Variants in MFGE8 observed in about 807,000 individuals in gnomAD.
MFGE8 encodes the protein milk fat globule EGF and factor V/VIII domain containing.
MFGE8 carries 34 observed loss-of-function variants against 42.6 expected under a neutral mutation model. That is an observed-to-expected ratio of 0.80 (90% CI 0.61 to 1.06). The LOEUF (loss-of-function observed/expected upper bound fraction) is 1.06, where lower values mean the gene tolerates loss of function less well. Ranked by LOEUF, MFGE8 falls within the 50% of genes least tolerant of loss-of-function variation. MFGE8 has a pLI of 0.00. For synonymous variants in MFGE8, 230 were observed against 214.8 expected (o/e 1.07, Z -0.62); for missense variants, 510 against 516.9 (o/e 0.99, Z 0.13).
Position 88,899,916 on chromosome 15 carries a change from T to C in MFGE8, c.871-105A>G. ...AATTCTAGTTTTGAAAAAAACTACT[T>C]GGGTGAGCCTCAGTTTCTTTGGCTA... On this transcript the variant is annotated intron_variant, in intron 6 of 7. Coordinates refer to ENST00000268150, the MANE Select transcript of MFGE8 (RefSeq NM_005928.4). The surrounding 1 kb of genome is among the most constrained non-coding windows in gnomAD (Gnocchi z 6.8). The C allele has an allele frequency of 7.5e-7, 1 of 1,338,910 alleles. No individual in the cohort carries two copies. Among genetic ancestry groups the C allele is most frequent in the East Asian group, 2.5e-5 (1 of 40,770 alleles). 82.9% of individuals were successfully genotyped at this position (1,338,910 alleles called of 1,614,324 possible).
At chr15:88,912,720 G>A (rs1899024475) in intron 1 of MFGE8, 1 of 985,256 alleles carries the variant, frequency 1.0e-6, no homozygotes, top group African/African-American at 1.7e-5. Context: ...CCCCACTTAC[G>A]GCCTGCGTCC....
At position 88,909,800 on chromosome 15, in the gene MFGE8, C is replaced by A; in HGVS notation, c.197G>T (p.Cys66Phe). Residue 66 changes from cysteine (C) to phenylalanine (F), a missense_variant, in exon 2 of 8, where the codon TGT (cysteine) becomes TTT (phenylalanine). Cys to Phe is a radical substitution (Grantham distance 205, BLOSUM62 -2). Transcript: ENST00000268150. ...CACCCCCACATACTCACTCGTCTCA[C>A]AGTGGTTGCCCGCGTAGCCCTTAAG... ...TCLKGYAGNHCETKCVEPLGL... is the reference protein window; with the variant it reads ...TCLKGYAGNHFETKCVEPLGL... The A allele has an allele frequency of 6.2e-7, 1 of 1,614,182 alleles. No individual in the cohort carries two copies. The highest frequency in any genetic ancestry group is 1.1e-5 in the South Asian group (1 of 91,088).
Position 88,907,220 on chromosome 15 carries a change from C to A in MFGE8, c.362G>T (p.Ser121Ile), listed in dbSNP as rs148576512. ...CTGGATCCAGGGGTTATCGTCATTG[C>A]TGCTGGGTGTCCAGGCATTGACCAT... ...AGMVNAWTPS[S>I]NDDNPWIQVN... Residue 121 changes from serine to isoleucine, a missense_variant, in exon 3 of 8, where the codon AGC (serine) becomes ATC (isoleucine). Physicochemically the swap from Ser to Ile is moderately radical, Grantham distance 142. Coordinates refer to ENST00000268150, the MANE Select transcript of MFGE8 (RefSeq NM_005928.4). 1.3e-4 allele frequency: 207 copies of A among 1,613,960 alleles called. No homozygotes were observed. The highest frequency in any genetic ancestry group is 1.7e-4 in the Non-Finnish European group (196 of 1,179,948).
intron 1 of MFGE8, 29 bp downstream of exon 1, chr15:88,913,217 GA>G: frequency 1.3e-6 from 2 of 1,492,020 alleles, no homozygotes; most frequent in Non-Finnish European, 1.8e-6. Context: ...GAGGAGGGGC[GA>G]GGGGCAGAGG....
chr15:88,912,279 A>G, intron 1 of MFGE8: 14 of 1,287,904 alleles, frequency 1.1e-5, no homozygotes, highest in Middle Eastern at 2.1e-4. Flanking sequence ...AAGAGTAGAA[A>G]GGGGCTAAGA....
At chr15:88,904,181 G>A (rs1898560206) in intron 5 of MFGE8, 1 of 152,220 alleles carries the variant, frequency 6.6e-6, no homozygotes, top group African/African-American at 2.4e-5. Context: ...CAAATTACAT[G>A]AGGTCAAGGA....
chr15:88,913,165 A>C, intron 1 of MFGE8, 82 bp downstream of exon 1: 3 of 1,463,508 alleles, frequency 2.0e-6, no homozygotes, highest in Non-Finnish European at 1.8e-6. Flanking sequence ...TCAACAGTGG[A>C]GGTGGAGGGC....
At chr15:88,901,224 TACAC>T (rs754991839) in intron 6 of MFGE8, among the ~76,000 whole-genome samples, 1 of 82,084 alleles carries the variant, frequency 1.2e-5, no homozygotes, top group Non-Finnish European at 2.8e-5. Flanking sequence ...CATTCACACA[TACAC>T]ATTCACACAC....
Position 88,906,247 on chromosome 15 carries a change from A to G in MFGE8, c.541-346T>C, listed in dbSNP as rs1377405480. On this transcript the variant is annotated intron_variant, in intron 4 of 7. Transcript: ENST00000268150. The surrounding 1 kb of genome is among the most constrained non-coding windows in gnomAD (Gnocchi z 4.2). Reference sequence around the variant, plus strand: ...TATGACAATTTTCTGACAGAGTTCCACAAATGTACAATGCCTGTACTGTGA... The same window carrying G: ...TATGACAATTTTCTGACAGAGTTCCGCAAATGTACAATGCCTGTACTGTGA... 1 of 456,772 alleles carries G rather than the reference A, an allele frequency of 2.2e-6. No homozygotes were observed. The highest frequency in any genetic ancestry group is 4.0e-6 in the Non-Finnish European group (1 of 247,242). 28.3% of individuals were successfully genotyped at this position (456,772 alleles called of 1,614,324 possible).
rs751308997 is a variant in MFGE8, at chr15:88,899,713, G to A, written c.969C>T (p.Tyr323=). Reference sequence around the variant, plus strand: ...CAGTCCAGTTCGCACTGTCATTACTGTAGGCAACCTTGTAGGATGCCACAA... The same window carrying A: ...CAGTCCAGTTCGCACTGTCATTACTATAGGCAACCTTGTAGGATGCCACAA... The part of the protein sequence containing the change: ...VQFVASYKVA[Y]SNDSANWTEY... Residue 323 remains tyrosine, a synonymous_variant, in exon 7 of 8, where the codon TAC becomes TAT. Coordinates refer to ENST00000268150, the MANE Select transcript of MFGE8 (RefSeq NM_005928.4). The surrounding 1 kb of genome is among the most constrained non-coding windows in gnomAD (Gnocchi z 6.8). The A allele has an allele frequency of 6.2e-7, 1 of 1,614,186 alleles. No individual in the cohort carries two copies. Among genetic ancestry groups the A allele is most frequent in the Admixed American group, 1.7e-5 (1 of 60,026 alleles).
chr15:88,905,465 C>A lies in MFGE8; in HGVS notation c.685+292G>T, dbSNP rs1302250197. ...CCAAACACACCTAACGCTACATGTT[C>A]TAGAAGCTACAGGAGAGGAGCCAAC... is the stretch of plus-strand genomic sequence containing the variant. On this transcript the variant is annotated intron_variant, in intron 5 of 7. Coordinates refer to ENST00000268150, the MANE Select transcript of MFGE8 (RefSeq NM_005928.4). The surrounding 1 kb of genome is among the most constrained non-coding windows in gnomAD (Gnocchi z 6.6). 1 of 588,068 alleles carries A rather than the reference C, an allele frequency of 1.7e-6. No individual in the cohort carries two copies. Among genetic ancestry groups the A allele is most frequent in the South Asian group, 1.5e-5 (1 of 65,682 alleles). 36.4% of individuals were successfully genotyped at this position (588,068 alleles called of 1,614,324 possible).
rs1567215000 is a variant in MFGE8, at chr15:88,901,304, C to CACACACAT, written c.870+246_870+247insATGTGTGT. Among the ~76,000 whole-genome samples, 480 of 85,950 alleles carry CACACACAT rather than the reference C, an allele frequency of 5.6e-3. 2 individuals carry two copies. The highest frequency in any genetic ancestry group is 0.013 in the South Asian group (35 of 2,658). 56.4% of individuals were successfully genotyped at this position (85,950 alleles called of 152,430 possible). Reference sequence around the variant, plus strand: ...ACTCACATTCACACACATTCACACACTCACACACACACATTCACACACACA... The same window carrying CACACACAT: ...ACTCACATTCACACACATTCACACACACACACATTCACACACACACATTCACACACACA... On this transcript the variant is annotated intron_variant, in intron 6 of 7. Coordinates refer to ENST00000268150, the MANE Select transcript of MFGE8 (RefSeq NM_005928.4).
intron 6 of MFGE8, among the ~76,000 whole-genome samples, chr15:88,901,066 TACACATTCACATACACATTCACAC>T (rs1295336291): frequency 1.8e-5 from 2 of 109,534 alleles, no homozygotes; most frequent in African/African-American, 6.6e-5. Context: ...CACATTCACA[TACACATTCACATACACATTCACAC>T]ACATTCACAA....
intron 6 of MFGE8, 85 bp downstream of exon 6, chr15:88,901,466 C>G (rs1347174371): frequency 7.3e-7 from 1 of 1,377,028 alleles, no homozygotes; most frequent in Non-Finnish European, 1.0e-6. Flanking sequence ...AGAAGAGAAG[C>G]CTGGGCTGGA....
chr15:88,899,801 C>T lies in MFGE8; in HGVS notation c.881G>A (p.Gly294Asp). Residue 294 changes from glycine to aspartate, a missense_variant, in exon 7 of 8, where the codon GGC becomes GAC. Gly to Asp is a moderately conservative substitution (Grantham distance 94). Coordinates refer to ENST00000268150, the MANE Select transcript of MFGE8 (RefSeq NM_005928.4). This position sits in a 1 kb window ranked among gnomAD's most constrained non-coding sequence, Gnocchi z 6.8. ...GATGCCTGTCACCTCCTTCGAGGAGCCCAGGTCCACCTACAGAAGAAACCA... is the reference window on the plus strand; with the variant it reads ...GATGCCTGTCACCTCCTTCGAGGAGTCCAGGTCCACCTACAGAAGAAACCA... ...GNDQWLQVDL[G>D]SSKEVTGIIT... 1 of 1,613,946 alleles carries T rather than the reference C, an allele frequency of 6.2e-7. No homozygotes were observed.
Position 88,906,658 on chromosome 15 carries a change from C to A in MFGE8, c.508G>T (p.Asp170Tyr), listed in dbSNP as rs780674687. 3.7e-6 allele frequency: 6 copies of A among 1,614,032 alleles called. No homozygotes were observed. The highest frequency in any genetic ancestry group is 5.1e-6 in the Non-Finnish European group (6 of 1,180,000). Reference protein sequence around the residue: ...VAYSLNGHEFDFIHDVNKKHK... With the variant: ...VAYSLNGHEFYFIHDVNKKHK... Reference sequence around the variant, plus strand: ...TTTTTATTAACATCATGGATGAAATCGAATTCGTGTCCATTAAGGCTGTAG... The same window carrying A: ...TTTTTATTAACATCATGGATGAAATAGAATTCGTGTCCATTAAGGCTGTAG... Residue 170 changes from aspartate to tyrosine, a missense_variant, in exon 4 of 8, where the codon GAT (aspartate) becomes TAT (tyrosine). Transcript: ENST00000268150. The surrounding 1 kb of genome is among the most constrained non-coding windows in gnomAD (Gnocchi z 4.2).
At chr15:88,913,201 C>A in intron 1 of MFGE8, 46 bp downstream of exon 1, 1 of 1,482,194 alleles carries the variant, frequency 6.7e-7, no homozygotes, top group East Asian at 2.8e-5. Flanking sequence ...TTCCGAGCGG[C>A]GCGGGGAGGA....
intron 2 of MFGE8, among the ~76,000 whole-genome samples, 161 bp downstream of exon 2, chr15:88,909,631 G>T (rs567005835): frequency 6.6e-6 from 1 of 152,228 alleles, no homozygotes; most frequent in Admixed American, 6.5e-5. Flanking sequence ...TCTAACTGAG[G>T]CTCTGTCTCT....
At chr15:88,901,977 C>T (rs1898457749) in intron 5 of MFGE8, 1 of 533,004 alleles carries the variant, frequency 1.9e-6, no homozygotes, top group African/African-American at 1.9e-5. Context: ...CAAGACCTCC[C>T]ACTCACCACC....
Sources: allele counts gnomAD v4.1 joint callset (sites outside exome capture counted in the v4.1 genomes callset), GRCh38; gene constraint gnomAD v4.1.1; non-coding constraint Gnocchi (gnomAD v3.1); transcripts MANE v1.5; gene names NCBI Gene and HGNC (gene_info 2026-07-23, HGNC 2026-07-21).